The following USP32 variants were observed in gnomAD, a reference collection of about 807,000 sequenced individuals.
USP32 encodes ubiquitin specific peptidase 32.
USP32 carries 59 observed loss-of-function variants against 204.8 expected under a neutral mutation model. That is an observed-to-expected ratio of 0.29 (90% confidence interval 0.23 to 0.36). The LOEUF (loss-of-function observed/expected upper bound fraction) is 0.36, where lower values mean the gene tolerates loss of function less well. Ranked by LOEUF, USP32 falls within the 10% of genes least tolerant of loss-of-function variation. USP32 has a pLI of 1.00. For missense variants in USP32, 1,160 were observed against 1,946.4 expected, an observed-to-expected ratio of 0.60 and a Z score of 7.60; for synonymous variants, 517 against 678.4, an observed-to-expected ratio of 0.76 and a Z score of 3.70.
In USP32 at chr17:60,181,514, C is replaced by T. The variant is rs758441731; in HGVS notation, c.4358G>A (p.Gly1453Asp). The T allele has an allele frequency of 2.2e-5, 36 of 1,613,962 alleles. 1 individual carries two copies. In the South Asian group the frequency reaches 3.0e-4, roughly 13 times the overall value. ...AGGAGTGACCAACTCTGGTTGGCTG[C>T]CCCCCAGCACATGCCCTCGACTCAA... is the stretch of plus-strand genomic sequence containing the variant. ...DALSRGHVLG[G>D]SQPELVTPQD... is the part of the protein sequence containing the mutation. Residue 1453 changes from glycine (G) to aspartate (D), a missense_variant, in exon 32 of 34, where the codon GGC (glycine) becomes GAC (aspartate). Gly to Asp is a moderately conservative substitution (Grantham distance 94). Transcript: ENST00000300896.
intron 1 of USP32, among the ~76,000 whole-genome samples, chr17:60,387,078 T>C (rs1183411608): frequency 3.9e-5 from 6 of 152,192 alleles, no homozygotes; most frequent in African/African-American, 1.4e-4. Context: ...GGCAAATAAG[T>C]GCTTTAATAA....
At chr17:60,397,957 G>A (rs2146157402) in intron 1 of USP32, among the ~76,000 whole-genome samples, 1 of 149,448 alleles carries the variant, frequency 6.7e-6, no homozygotes, top group South Asian at 2.1e-4. Flanking sequence ...TATGATTCTA[G>A]GTTAAGATAA....
intron 12 of USP32, among the ~76,000 whole-genome samples, chr17:60,230,294 T>G (rs1176409590): frequency 6.6e-6 from 1 of 152,208 alleles, no homozygotes; most frequent in Non-Finnish European, 1.5e-5. Context: ...GGTGCCTATG[T>G]TTCTAAAGAA....
chr17:60,275,877 A>G (rs113387130), intron 5 of USP32, among the ~76,000 whole-genome samples: 1 of 151,482 alleles, frequency 6.6e-6, no homozygotes, highest in African/African-American at 2.4e-5. Flanking sequence ...ATGCCTGGCT[A>G]ATTTTTTGTA....
chr17:60,193,612 G>GT (rs1434276316), intron 27 of USP32, among the ~76,000 whole-genome samples: 132 of 152,170 alleles, frequency 8.7e-4, no homozygotes, highest in African/African-American at 3.0e-3. Flanking sequence ...GGCAGAGGTT[G>GT]CAGTGAGCTG....
chr17:60,376,875 G>A (rs1321238527), intron 1 of USP32, among the ~76,000 whole-genome samples: 4 of 152,048 alleles, frequency 2.6e-5, no homozygotes, highest in Middle Eastern at 3.4e-3. Flanking sequence ...GTTATCAGTT[G>A]GATAAAAGTT....
chr17:60,185,704 G>T, intron 29 of USP32, 53 bp from the exon 30 acceptor site: 1 of 1,564,722 alleles, frequency 6.4e-7, no homozygotes, highest in Non-Finnish European at 8.7e-7. Flanking sequence ...CATTTAAAGT[G>T]GTGATCTAGG....
chr17:60,306,075 T>C (rs1014601183), intron 2 of USP32, among the ~76,000 whole-genome samples: 6 of 151,110 alleles, frequency 4.0e-5, no homozygotes, highest in African/African-American at 1.5e-4. Context: ...TACCCTTTTT[T>C]CACTCAAAAA....
intron 7 of USP32, among the ~76,000 whole-genome samples, chr17:60,267,584 G>A (rs1191695516): frequency 6.6e-6 from 1 of 150,626 alleles, no homozygotes; most frequent in African/African-American, 2.4e-5. Flanking sequence ...CTGGAGTGCA[G>A]TTCTCAGCTT....
intron 1 of USP32, among the ~76,000 whole-genome samples, chr17:60,407,713 C>T (rs1306155692): frequency 1.2e-4 from 16 of 134,440 alleles, no homozygotes; most frequent in African/African-American, 3.9e-4. Context: ...ACCCAGGAGG[C>T]GGAGGTTACA....
At chr17:60,215,979 CTG>C (rs1266326976) in intron 16 of USP32, among the ~76,000 whole-genome samples, 1 of 152,056 alleles carries the variant, frequency 6.6e-6, no homozygotes, top group Non-Finnish European at 1.5e-5. Flanking sequence ...GGATTACAAA[CTG>C]AGATTACAAG....
intron 1 of USP32, among the ~76,000 whole-genome samples, chr17:60,410,730 A>G (rs2090011176): frequency 1.3e-5 from 2 of 152,122 alleles, no homozygotes; most frequent in Non-Finnish European, 2.9e-5. Context: ...AATGCAGTCT[A>G]TACTATATAA....
At chr17:60,284,098 G>C (rs1039533539) in intron 5 of USP32, among the ~76,000 whole-genome samples, 1 of 151,988 alleles carries the variant, frequency 6.6e-6, no homozygotes, top group African/African-American at 2.4e-5. Flanking sequence ...AGAGATGTTA[G>C]GAGGTACATG....
At chr17:60,327,650 A>G (rs73320718) in intron 2 of USP32, among the ~76,000 whole-genome samples, 135 of 152,312 alleles carry the variant, frequency 8.9e-4, no homozygotes, top group African/African-American at 2.8e-3. Context: ...GACATGCTCC[A>G]GGCAGTGAGC....
intron 1 of USP32, among the ~76,000 whole-genome samples, chr17:60,419,816 AAATTATTATT>A (rs1409265335): frequency 3.0e-5 from 3 of 101,682 alleles, no homozygotes; most frequent in African/African-American, 1.4e-4. Flanking sequence ...AGGTTAAAAA[AAATTATTATT>A]ATTATTATTA....
intron 5 of USP32, among the ~76,000 whole-genome samples, chr17:60,280,389 A>G (rs1285898120): frequency 6.6e-6 from 1 of 152,142 alleles, no homozygotes; most frequent in Non-Finnish European, 1.5e-5. Context: ...GGGCTACTGC[A>G]CCTGGCCAAA....
intron 30 of USP32, among the ~76,000 whole-genome samples, chr17:60,183,862 T>A (rs1183703918): frequency 6.6e-6 from 1 of 152,252 alleles, no homozygotes; most frequent in Non-Finnish European, 1.5e-5. Context: ...CAGTTACTGG[T>A]CTACATGACT....
intron 11 of USP32, among the ~76,000 whole-genome samples, chr17:60,245,798 A>G (rs2086005461): frequency 6.6e-6 from 1 of 151,830 alleles, no homozygotes; most frequent in South Asian, 2.1e-4. Context: ...ATTTCCTGGT[A>G]ACAAATTTTC....
chr17:60,247,088 TAC>T (rs2086046457), intron 11 of USP32, among the ~76,000 whole-genome samples: 1 of 152,226 alleles, frequency 6.6e-6, no homozygotes, highest in South Asian at 2.1e-4. Context: ...TGAGGTATTA[TAC>T]AGTGTCATAC....
Sources: gnomAD v4.1 joint callset for allele counts (sites outside exome capture counted in the v4.1 genomes callset) on GRCh38, gnomAD v4.1.1 for gene constraint, MANE v1.5 for transcripts, NCBI Gene and HGNC (gene_info 2026-07-23, HGNC 2026-07-21) for gene names.